RNF115: variants seen among roughly 807,000 people sequenced by gnomAD.
RNF115 encodes ring finger protein 115, also known as E3 ubiquitin-protein ligase RNF115.
A neutral mutation model predicts 39.2 loss-of-function variants in RNF115; 31 were observed. The observed-to-expected ratio is 0.79, with a 90% CI of 0.59 to 1.07. The LOEUF (loss-of-function observed/expected upper bound fraction) is 1.07. Ranked by LOEUF, RNF115 falls within the 50% of genes least tolerant of loss-of-function variation. The pLI is 0.00. For synonymous variants in RNF115, 124 were observed against 131.0 expected (o/e 0.95, Z 0.37); for missense variants, 384 against 381.7 (o/e 1.01, Z -0.05).
At chr1:145,778,386 GAA>G (rs1452657116) in intron 3 of RNF115, among the ~76,000 whole-genome samples, 1 of 152,094 alleles carries the variant, frequency 6.6e-6, no homozygotes, top group African/African-American at 2.4e-5. Flanking sequence ...TGGGGATGAT[GAA>G]AAAGTTCTAA....
At chr1:145,781,893 AC>A (rs1648164962) in intron 3 of RNF115, among the ~76,000 whole-genome samples, 1 of 144,704 alleles carries the variant, frequency 6.9e-6, no homozygotes, top group Admixed American at 6.9e-5. Flanking sequence ...TACTCTGTAC[AC>A]TTTTCCTTTT....
In RNF115 at chr1:145,740,270, T is replaced by A. The variant is rs1057073514; in HGVS notation, c.*6596A>T. 5.9e-5 allele frequency: 9 copies of A among 152,192 alleles called. No homozygotes were observed. The highest frequency in any genetic ancestry group is 2.2e-4 in the African/African-American group (9 of 41,430). The allele number at this position is 152,192 out of a possible 1,614,324, so 9.4% of individuals were successfully genotyped here. A position where few individuals can be genotyped will look rare whatever the true frequency, so the allele number is the denominator to read the frequency against. On this transcript the variant is annotated 3_prime_UTR_variant, in exon 9 of 9. Coordinates refer to ENST00000582693, the MANE Select transcript of RNF115 (RefSeq NM_014455.4). ...TACTATACTAATTATAGTCCACATA[T>A]AAAAATCTGTGACACATAATCACAG...
intron 4 of RNF115, among the ~76,000 whole-genome samples, chr1:145,761,546 C>T (rs1489243548): frequency 6.6e-6 from 1 of 152,228 alleles, no homozygotes; most frequent in Non-Finnish European, 1.5e-5. Context: ...TGGTGCTGAG[C>T]CTGCGAGTGC....
intron 4 of RNF115, among the ~76,000 whole-genome samples, chr1:145,767,923 G>A (rs1208122151): frequency 6.7e-6 from 1 of 148,844 alleles, no homozygotes; most frequent in Non-Finnish European, 1.5e-5. Context: ...GATGGCAGCA[G>A]CACAGTCCAG....
At chr1:145,771,358 T>G (rs895702461) in intron 4 of RNF115, among the ~76,000 whole-genome samples, 1 of 152,216 alleles carries the variant, frequency 6.6e-6, no homozygotes, top group African/African-American at 2.4e-5. Context: ...TGTGGATCCC[T>G]CAACCTTGGA....
At chr1:145,761,281 T>C in intron 4 of RNF115, among the ~76,000 whole-genome samples, 1 of 152,226 alleles carries the variant, frequency 6.6e-6, no homozygotes, top group East Asian at 1.9e-4. Flanking sequence ...AGCCTAATGT[T>C]AATCCCCAAG....
rs1293462328 is a variant in RNF115 at position 145,751,076 on chromosome 1, C to G, written c.573+362G>C. Among the ~76,000 whole-genome samples, 3 of 152,216 alleles carry G rather than the reference C, an allele frequency of 2.0e-5. No individual in the cohort carries two copies. In the East Asian group the frequency reaches 5.8e-4, roughly 29 times the overall value. On this transcript the variant is annotated intron_variant, in intron 6 of 8. Transcript: ENST00000582693. ...GCTTCCTTCCCCTACTTTGCTCCAT[C>G]TAGCAGAAATCCCTGCTTCAACATG...
At chr1:145,821,956 G>A (rs1650266231) in intron 1 of RNF115, among the ~76,000 whole-genome samples, 1 of 144,262 alleles carries the variant, frequency 6.9e-6, no homozygotes, top group South Asian at 2.3e-4. Flanking sequence ...AAAAAAACTA[G>A]ACACCTGCTC....
At chr1:145,774,511 C>T (rs1398060480) in intron 3 of RNF115, among the ~76,000 whole-genome samples, 1 of 151,782 alleles carries the variant, frequency 6.6e-6, no homozygotes, top group African/African-American at 2.4e-5. Context: ...CACCACGCCC[C>T]GCTAATTTTT....
chr1:145,776,797 T>C (rs1482603828), intron 3 of RNF115, among the ~76,000 whole-genome samples: 6 of 152,064 alleles, frequency 3.9e-5, no homozygotes, highest in African/African-American at 1.4e-4. Flanking sequence ...GATCGCGCCA[T>C]TGCACTCCAG....
rs1221989408 is a variant in RNF115, at chr1:145,740,190, A to C, written c.*6676T>G. On this transcript the variant is annotated 3_prime_UTR_variant, in exon 9 of 9. Coordinates refer to ENST00000582693, the MANE Select transcript of RNF115 (RefSeq NM_014455.4). Reference sequence around the variant, plus strand: ...CTTCTGGAGCTACTCAACATTATACAATCACTGGAAGTCTCAGAAGATATA... The same window carrying C: ...CTTCTGGAGCTACTCAACATTATACCATCACTGGAAGTCTCAGAAGATATA... 2 of 152,230 alleles carry C rather than the reference A, an allele frequency of 1.3e-5. No homozygotes were observed. Among genetic ancestry groups the C allele is most frequent in the South Asian group, 2.1e-4 (1 of 4,828 alleles). The allele number at this position is 152,230 out of a possible 1,614,324, so 9.4% of individuals were successfully genotyped here. A position where few individuals can be genotyped will look rare whatever the true frequency, so the allele number is the denominator to read the frequency against.
chr1:145,755,404 A>G (rs1553713049), intron 4 of RNF115, among the ~76,000 whole-genome samples: 1 of 152,136 alleles, frequency 6.6e-6, no homozygotes, highest in Non-Finnish European at 1.5e-5. Context: ...GAATATGTGT[A>G]AAGCCTAGTC....
intron 4 of RNF115, among the ~76,000 whole-genome samples, chr1:145,770,053 A>G (rs1328013913): frequency 6.6e-6 from 1 of 152,188 alleles, no homozygotes; most frequent in African/African-American, 2.4e-5. Context: ...TCCTTGACAA[A>G]GCAGCTTGAA....
At chr1:145,816,727 TTC>T (rs1491059722) in intron 1 of RNF115, among the ~76,000 whole-genome samples, 5 of 148,376 alleles carry the variant, frequency 3.4e-5, no homozygotes, top group Non-Finnish European at 6.0e-5. Flanking sequence ...GGTTCTTTCT[TTC>T]TTTTTCTTTT....
intron 1 of RNF115, among the ~76,000 whole-genome samples, chr1:145,789,661 G>C (rs960322748): frequency 1.4e-5 from 2 of 148,130 alleles, no homozygotes; most frequent in Non-Finnish European, 3.0e-5. Flanking sequence ...GCCTCCCAAA[G>C]TGCTGGGATT....
At chr1:145,752,860 T>C (rs1658145602) in intron 5 of RNF115, 118 bp downstream of exon 5, 5 of 682,100 alleles carry the variant, frequency 7.3e-6, no homozygotes, top group Non-Finnish European at 1.0e-5. Context: ...GTGCTGGGAT[T>C]AGAGGCATGA....
chr1:145,752,020 C>T (rs1420757007), intron 5 of RNF115, among the ~76,000 whole-genome samples: 2 of 152,076 alleles, frequency 1.3e-5, no homozygotes, highest in Non-Finnish European at 2.9e-5. Context: ...CTTGGCAACA[C>T]CGTTTTTTTT....
chr1:145,756,992 C>T (rs1252913871), intron 4 of RNF115, among the ~76,000 whole-genome samples: 7 of 152,012 alleles, frequency 4.6e-5, no homozygotes, highest in Non-Finnish European at 8.8e-5. Context: ...TGGGCCACCA[C>T]GCCTGGCTAA....
At chr1:145,806,123 G>A (rs1649449777) in intron 1 of RNF115, among the ~76,000 whole-genome samples, 1 of 152,098 alleles carries the variant, frequency 6.6e-6, no homozygotes, top group Non-Finnish European at 1.5e-5. Flanking sequence ...TGAGGCGGGT[G>A]GATCACTTGA....
Sources: gnomAD v4.1 joint callset for allele counts (sites outside exome capture counted in the v4.1 genomes callset) on GRCh38, gnomAD v4.1.1 for gene constraint, MANE v1.5 for transcripts, NCBI Gene and HGNC (gene_info 2026-07-23, HGNC 2026-07-21) for gene names.